Variants in BCR observed in about 807,000 individuals in gnomAD.
BCR encodes BCR activator of RhoGEF and GTPase, also known as breakpoint cluster region protein.
In BCR, 58 loss-of-function variants were observed where a neutral mutation model predicts 138.6. The ratio of observed to expected loss-of-function variants is 0.42; its 90% CI spans 0.34 to 0.52. The LOEUF (loss-of-function observed/expected upper bound fraction) is 0.52, where lower values mean the gene tolerates loss of function less well. Among genes scored for constraint, BCR ranks in the 20% least tolerant of loss-of-function variants. BCR has a pLI of 0.06. For missense variants in BCR, 1,599 were observed against 1,727.2 expected (o/e 0.93, Z 1.32); for synonymous variants, 786 against 730.1 (o/e 1.08, Z -1.23).
Position 23,204,052 on chromosome 22 carries a change from G to A in BCR, c.1279+21813G>A, listed in dbSNP as rs185665638. ...GGAGGGCAGATAATGGTGAGACCAC[G>A]TTTGGAGGGAGGGCAGCATGGTGTC... On this transcript the variant is annotated intron_variant, in intron 1 of 22. Coordinates refer to ENST00000305877, the MANE Select transcript of BCR (RefSeq NM_004327.4). Among the ~76,000 whole-genome samples the A allele has an allele frequency of 5.3e-5, 8 of 152,312 alleles. No homozygotes were observed. The East Asian group carries it at 1.2e-3, about 22-fold the overall frequency.
At position 23,312,002 on chromosome 22, in the gene BCR, G is replaced by A. The variant is rs893126604; in HGVS notation, c.3322+166G>A. On this transcript the variant is annotated intron_variant, in intron 19 of 22. Coordinates refer to ENST00000305877, the MANE Select transcript of BCR (RefSeq NM_004327.4). ...AGAGAAGACAAGAGTTGTAGAAAAA[G>A]CCTCTGTAGAAACCAGTTTTTAAAC... The A allele has an allele frequency of 1.8e-5, 25 of 1,356,466 alleles. No individual in the cohort carries two copies. The Admixed American group carries it at 3.1e-4, about 17-fold the overall frequency. The allele number at this position is 1,356,466 out of a possible 1,614,324, so 84.0% of individuals were successfully genotyped here.
intron 10 of BCR, among the ~76,000 whole-genome samples, chr22:23,286,216 C>T (rs2073710601): frequency 6.6e-6 from 1 of 152,218 alleles, no homozygotes; most frequent in Admixed American, 6.5e-5. Context: ...GGACTACCTG[C>T]CCTTGGTTTT....
At chr22:23,299,506 TCC>T (rs907765799) in intron 16 of BCR, among the ~76,000 whole-genome samples, 1 of 151,926 alleles carries the variant, frequency 6.6e-6, no homozygotes, top group African/African-American at 2.4e-5. Flanking sequence ...CTCCCCCAAC[TCC>T]CATCACGTCC....
At chr22:23,185,727 T>TTG (rs1569236037) in intron 1 of BCR, among the ~76,000 whole-genome samples, 38 of 149,758 alleles carry the variant, frequency 2.5e-4, no homozygotes, top group East Asian at 1.2e-3. Context: ...CTCTGTTTTT[T>TTG]TTGTTGTTGT....
At chr22:23,281,351 G>A (rs1477156305) in intron 8 of BCR, among the ~76,000 whole-genome samples, 1 of 152,238 alleles carries the variant, frequency 6.6e-6, no homozygotes, top group Non-Finnish European at 1.5e-5. Context: ...ATGCAGTCAG[G>A]ATTGTGACCC....
chr22:23,200,365 G>A (rs917675269), intron 1 of BCR, among the ~76,000 whole-genome samples: 1 of 151,960 alleles, frequency 6.6e-6, no homozygotes, highest in African/African-American at 2.4e-5. Flanking sequence ...TGCCCAGGCT[G>A]GTGCAGTGGC....
intron 1 of BCR, among the ~76,000 whole-genome samples, chr22:23,214,978 A>G (rs527494805): frequency 6.6e-6 from 1 of 152,212 alleles, no homozygotes; most frequent in East Asian, 1.9e-4. Flanking sequence ...TATAGCCAGT[A>G]AACAACTCTC....
At chr22:23,277,395 T>C (rs1393903533) in intron 8 of BCR, among the ~76,000 whole-genome samples, 1 of 152,152 alleles carries the variant, frequency 6.6e-6, no homozygotes, top group Non-Finnish European at 1.5e-5. Flanking sequence ...ACTCTTTGGT[T>C]CCCTTCCTCC....
intron 1 of BCR, among the ~76,000 whole-genome samples, chr22:23,184,437 G>A (rs2072312862): frequency 6.6e-6 from 1 of 151,886 alleles, no homozygotes; most frequent in South Asian, 2.1e-4. Context: ...TTTTTAAAAG[G>A]GATTATTTTC....
chr22:23,253,697 G>A, intron 1 of BCR, 102 bp from the exon 2 acceptor site: 22 of 1,406,732 alleles, frequency 1.6e-5, no homozygotes, highest in Non-Finnish European at 2.1e-5. Flanking sequence ...TGAGATGCCT[G>A]TTGGGGACAG....
chr22:23,220,439 G>A (rs2072811493), intron 1 of BCR, among the ~76,000 whole-genome samples: 1 of 152,194 alleles, frequency 6.6e-6, no homozygotes, highest in Non-Finnish European at 1.5e-5. Flanking sequence ...GGCTATAACT[G>A]TCTTGGAGCA....
chr22:23,314,790 T>TG lies in BCR; in HGVS notation c.3726+77dup, dbSNP rs1400522901. 4 of 1,546,670 alleles carry TG rather than the reference T, an allele frequency of 2.6e-6. No individual in the cohort carries two copies. The African/African-American group carries it at 5.5e-5, about 21-fold the overall frequency. Reference sequence around the variant, plus strand: ...CCTCTGCCTGCCCCACCCCCAGTCCTGCCCATCTTCTTACTTGCATTGTAT... The same window carrying TG: ...CCTCTGCCTGCCCCACCCCCAGTCCTGGCCCATCTTCTTACTTGCATTGTAT... On this transcript the variant is annotated intron_variant, in intron 22 of 22. Transcript: ENST00000305877.
At chr22:23,299,246 A>G (rs914521706) in intron 16 of BCR, among the ~76,000 whole-genome samples, 1 of 152,106 alleles carries the variant, frequency 6.6e-6, no homozygotes, top group Non-Finnish European at 1.5e-5. Context: ...AGCCTCCCAA[A>G]GTGCTGGGAT....
At chr22:23,286,897 G>A (rs2073720394) in intron 10 of BCR, among the ~76,000 whole-genome samples, 1 of 152,226 alleles carries the variant, frequency 6.6e-6, no homozygotes, top group African/African-American at 2.4e-5. Context: ...GCCCTTGTGA[G>A]AGGAAAGACT....
chr22:23,267,376 C>CT (rs896222976), intron 4 of BCR, among the ~76,000 whole-genome samples: 15 of 152,168 alleles, frequency 9.9e-5, no homozygotes, highest in African/African-American at 3.4e-4. Flanking sequence ...CTCGTACACT[C>CT]TAAGACCCTT....
At chr22:23,289,383 C>T in intron 12 of BCR, 134 bp from the exon 13 acceptor site, 1 of 714,500 alleles carries the variant, frequency 1.4e-6, no homozygotes, top group Non-Finnish European at 2.4e-6. Flanking sequence ...AGTGCCCTCT[C>T]CTGAGCCCCC....
intron 16 of BCR, among the ~76,000 whole-genome samples, chr22:23,303,577 G>A (rs1377331282): frequency 6.6e-6 from 1 of 152,246 alleles, no homozygotes; most frequent in African/African-American, 2.4e-5. Flanking sequence ...GAGAGGGGCA[G>A]GCCCCAGGGG....
chr22:23,241,329 A>AT (rs1468862302), intron 1 of BCR, among the ~76,000 whole-genome samples: 5 of 152,122 alleles, frequency 3.3e-5, no homozygotes, highest in African/African-American at 4.8e-5. Context: ...TCTTCCTGCC[A>AT]TTCCCCCCCG....
chr22:23,299,263 C>T lies in BCR; in HGVS notation c.3012+4108C>T, dbSNP rs112665060. On this transcript the variant is annotated intron_variant, in intron 16 of 22. Transcript: ENST00000305877. ...CCTCCCAAAGTGCTGGGATTACAGG[C>T]GTGAGCCACCACGCCTAGCTCCAAG... 2.3e-3 allele frequency among the ~76,000 whole-genome samples: 352 copies of T among 152,342 alleles called. 3 individuals carry two copies. Among genetic ancestry groups the T allele is most frequent in the African/African-American group, 7.9e-3 (328 of 41,586 alleles).
Sources: allele counts gnomAD v4.1 joint callset (sites outside exome capture counted in the v4.1 genomes callset), GRCh38; gene constraint gnomAD v4.1.1; transcripts MANE v1.5; gene names NCBI Gene and HGNC (gene_info 2026-07-23, HGNC 2026-07-21).